The following ZNF366 variants were observed in gnomAD, a reference collection of about 807,000 sequenced individuals.
ZNF366 encodes zinc finger protein 366.
ZNF366 carries 20 observed loss-of-function variants against 47.2 expected under a neutral mutation model. That is an observed-to-expected ratio of 0.42 (90% CI 0.30 to 0.62). The LOEUF (loss-of-function observed/expected upper bound fraction) is 0.62, where lower values mean the gene tolerates loss of function less well. ZNF366 is among the 20% of genes least tolerant of loss of function. The pLI, the probability that ZNF366 is intolerant of heterozygous loss-of-function variation, is 0.16. For missense variants in ZNF366, 987 were observed against 976.3 expected, an observed-to-expected ratio of 1.01 and a Z score of -0.15; for synonymous variants, 421 against 395.1, an observed-to-expected ratio of 1.07 and a Z score of -0.78.
intron 1 of ZNF366, among the ~76,000 whole-genome samples, chr5:72,473,326 G>A (rs936543835): frequency 6.6e-6 from 1 of 152,184 alleles, no homozygotes; most frequent in Admixed American, 6.5e-5. Context: ...TGGTCTTCTT[G>A]TTATTTGAGA....
intron 1 of ZNF366, among the ~76,000 whole-genome samples, chr5:72,491,922 C>G (rs377349961): frequency 6.6e-6 from 1 of 152,206 alleles, no homozygotes; most frequent in Admixed American, 6.5e-5. Context: ...GAGCCCAGCT[C>G]TACTCTGTAC....
At chr5:72,490,102 C>T (rs1743975784) in intron 1 of ZNF366, among the ~76,000 whole-genome samples, 1 of 152,194 alleles carries the variant, frequency 6.6e-6, no homozygotes, top group African/African-American at 2.4e-5. Context: ...TTAAGACTCC[C>T]TTCCCTTCCT....
At chr5:72,467,984 T>G (rs564759489) in intron 1 of ZNF366, among the ~76,000 whole-genome samples, 9 of 152,322 alleles carry the variant, frequency 5.9e-5, no homozygotes, top group Non-Finnish European at 8.8e-5. Context: ...GGCGGTTATC[T>G]TCTCTGTTCA....
rs769498776 is a variant in ZNF366 at position 72,443,857 on chromosome 5, G to A, written c.2134C>T (p.Pro712Ser). ...AAGTATAAGTAATCAGAAAAAGAGG[G>A]GCCCCGCCGGGTACTCTGAAAAGCC... ...LRAFQSTRRG[P>S]SFSDYLYFKH... Residue 712 changes from proline (P) to serine (S), a missense_variant, in exon 5 of 5, where the codon CCC becomes TCC. Pro to Ser is a moderately conservative substitution (Grantham distance 74). Around this residue, in one of 3 missense-constraint regions of ZNF366, gnomAD observed 285 missense variants for 234.8 expected, o/e 1.21. Transcript: ENST00000318442. 4.3e-6 allele frequency: 7 copies of A among 1,613,926 alleles called. No homozygotes were observed. In the Admixed American group the frequency reaches 8.3e-5, roughly 19 times the overall value.
chr5:72,470,332 A>G lies in ZNF366; in HGVS notation c.-14-8822T>C, dbSNP rs961744154. ...AGCAGCCAACTGCCTTCTTTCTTTG[A>G]CATTTCATTGGCTGTATCCGCCATA... On this transcript the variant is annotated intron_variant, in intron 1 of 4. Coordinates refer to ENST00000318442, the MANE Select transcript of ZNF366 (RefSeq NM_152625.3). 2.6e-5 allele frequency among the ~76,000 whole-genome samples: 4 copies of G among 152,202 alleles called. No individual in the cohort carries two copies. In the East Asian group the frequency reaches 7.7e-4, roughly 29 times the overall value.
intron 1 of ZNF366, among the ~76,000 whole-genome samples, chr5:72,482,326 C>T (rs1743804696): frequency 6.6e-6 from 1 of 152,120 alleles, no homozygotes; most frequent in Admixed American, 6.5e-5. Flanking sequence ...ACTTGATAAA[C>T]CAAAGTAGTC....
intron 4 of ZNF366, among the ~76,000 whole-genome samples, chr5:72,446,210 T>C (rs1172621224): frequency 6.6e-6 from 1 of 152,238 alleles, no homozygotes; most frequent in Non-Finnish European, 1.5e-5. Context: ...CTAACACCTC[T>C]AGGCCTTGGT....
In ZNF366 at chr5:72,454,764, A is replaced by G. The variant is rs571312083; in HGVS notation, c.1524+1640T>C. 3.3e-5 allele frequency among the ~76,000 whole-genome samples: 5 copies of G among 152,330 alleles called. No homozygotes were observed. In the South Asian group the frequency reaches 1.0e-3, roughly 32 times the overall value. On this transcript the variant is annotated intron_variant, in intron 3 of 4. Coordinates refer to ENST00000318442, the MANE Select transcript of ZNF366 (RefSeq NM_152625.3). ...TGAACCTCCATTGTAGGAGACAGTA[A>G]ACCCTTTGCAAGAAGAAACAGCTCT...
chr5:72,506,591 A>G (rs889684791), intron 1 of ZNF366, among the ~76,000 whole-genome samples: 1 of 152,060 alleles, frequency 6.6e-6, no homozygotes, highest in Non-Finnish European at 1.5e-5. Context: ...ATGCCCCAAA[A>G]CCTTTGCCTT....
At chr5:72,464,079 C>G (rs1271009665) in intron 1 of ZNF366, among the ~76,000 whole-genome samples, 1 of 152,136 alleles carries the variant, frequency 6.6e-6, no homozygotes, top group Non-Finnish European at 1.5e-5. Context: ...GAGAAGCAAA[C>G]TGGTTCTCTT....
chr5:72,462,118 T>G (rs1451119949), intron 1 of ZNF366, among the ~76,000 whole-genome samples: 1 of 152,218 alleles, frequency 6.6e-6, no homozygotes, highest in African/African-American at 2.4e-5. Context: ...TGTTAATGCT[T>G]AACTCAGATC....
intron 1 of ZNF366, among the ~76,000 whole-genome samples, chr5:72,483,477 C>T (rs1180941017): frequency 1.3e-5 from 2 of 152,124 alleles, no homozygotes; most frequent in Non-Finnish European, 2.9e-5. Flanking sequence ...CTCAGATAGC[C>T]CCTACCTGTC....
intron 1 of ZNF366, chr5:72,472,621 C>A (rs78238054): frequency 1.1e-6 from 1 of 941,948 alleles, no homozygotes. Context: ...AAAGAAGAAT[C>A]GGTTAGAAAG....
In ZNF366 at chr5:72,443,703, A is replaced by G. The variant is rs542926512; in HGVS notation, c.*53T>C. On this transcript the variant is annotated 3_prime_UTR_variant, in exon 5 of 5. Transcript: ENST00000318442. ...AAAATGACAGTTCATGCAGAAAGCT[A>G]TATTTGAACTGCCTCCTTCTCATTT... 1.0e-4 allele frequency: 154 copies of G among 1,540,784 alleles called. 1 individual carries two copies. The South Asian group carries it at 1.7e-3, about 17-fold the overall frequency.
intron 1 of ZNF366, among the ~76,000 whole-genome samples, chr5:72,475,676 G>T (rs1019480026): frequency 1.1e-4 from 16 of 152,178 alleles, no homozygotes; most frequent in Non-Finnish European, 1.8e-4. Context: ...TATCATGTTG[G>T]AGTGAGGTAG....
chr5:72,479,655 AC>A (rs1743752592), intron 1 of ZNF366, among the ~76,000 whole-genome samples: 1 of 152,294 alleles, frequency 6.6e-6, no homozygotes, highest in Middle Eastern at 3.4e-3. Context: ...ATTTTTTAAA[AC>A]TTTTTTGGGG....
intron 1 of ZNF366, among the ~76,000 whole-genome samples, chr5:72,497,241 G>A (rs1275338444): frequency 6.6e-6 from 1 of 152,094 alleles, no homozygotes; most frequent in African/African-American, 2.4e-5. Context: ...ATTTTCTCCT[G>A]TGTTTCCCTA....
intron 3 of ZNF366, among the ~76,000 whole-genome samples, chr5:72,449,111 A>G: frequency 6.6e-6 from 1 of 152,214 alleles, no homozygotes; most frequent in East Asian, 1.9e-4. Flanking sequence ...TGTAAGATAG[A>G]TGACTCTTTT....
At position 72,460,467 on chromosome 5, in the gene ZNF366, G is replaced by A. The variant is rs1351594899; in HGVS notation, c.1030C>T (p.Arg344Cys). The A allele has an allele frequency of 2.9e-5, 46 of 1,613,836 alleles. No individual in the cohort carries two copies. Among genetic ancestry groups the A allele is most frequent in the Non-Finnish European group, 3.6e-5 (43 of 1,179,962 alleles). The change falls in exon 2 of 5, where the codon CGC (arginine) becomes TGC (cysteine). Residue 344 changes from arginine to cysteine, a missense_variant. Arg to Cys is a radical substitution (Grantham distance 180, BLOSUM62 -3). Transcript: ENST00000318442. ...AGCTCGCTGGGGTAGGCAAAGCCGC[G>A]GCCGCACACGCGGCAGTTGTGCGGC... ...VKPHNCRVCG[R>C]GFAYPSELKA...
Sources: gnomAD v4.1 joint callset for allele counts (sites outside exome capture counted in the v4.1 genomes callset) on GRCh38, gnomAD v4.1.1 for gene constraint, gnomAD v4.1.1 regional missense constraint, MANE v1.5 for transcripts, NCBI Gene and HGNC (gene_info 2026-07-23, HGNC 2026-07-21) for gene names.